CES5A: variants seen among roughly 807,000 people sequenced by gnomAD.
The protein encoded by CES5A is carboxylesterase 5A, also known as carboxylesterase 5.
In CES5A, 67 loss-of-function variants were observed where a neutral mutation model predicts 62.9. The ratio of observed to expected loss-of-function variants is 1.07; its 90% CI spans 0.88 to 1.31. CES5A has a LOEUF of 1.31. CES5A is among the 50% of genes most tolerant of loss of function. The pLI, the probability that CES5A is intolerant of heterozygous loss-of-function variation, is 0.00. For missense variants in CES5A, 748 were observed against 708.5 expected (o/e 1.06, Z -0.63); for synonymous variants, 296 against 280.8 (o/e 1.05, Z -0.54).
At chr16:55,908,851 C>A (rs2034065057) in intron 1 of CES5A, among the ~76,000 whole-genome samples, 1 of 152,230 alleles carries the variant, frequency 6.6e-6, no homozygotes, top group East Asian at 1.9e-4. Flanking sequence ...ACTTTTCCAC[C>A]TGCAGTGGAC....
At chr16:55,930,956 A>G (rs1344763042) in intron 2 of CES5A, among the ~76,000 whole-genome samples, 2 of 152,210 alleles carry the variant, frequency 1.3e-5, no homozygotes, top group Non-Finnish European at 2.9e-5. Context: ...CTTCAAGATC[A>G]TGGTGCCTGA....
intron 1 of CES5A, among the ~76,000 whole-genome samples, chr16:55,901,926 G>T (rs974409413): frequency 3.9e-5 from 6 of 152,194 alleles, no homozygotes; most frequent in Non-Finnish European, 8.8e-5. Context: ...TGGTTTAGCA[G>T]CCAGCAGCAG....
intron 1 of CES5A, among the ~76,000 whole-genome samples, chr16:55,954,126 T>C (rs1221238579): frequency 3.3e-5 from 5 of 152,306 alleles, no homozygotes; most frequent in Admixed American, 2.6e-4. Context: ...AGCTCCCACA[T>C]GTGAGTGAGG....
intron 1 of CES5A, among the ~76,000 whole-genome samples, chr16:55,915,111 T>C (rs1018349694): frequency 2.6e-5 from 4 of 152,070 alleles, no homozygotes; most frequent in Non-Finnish European, 5.9e-5. Context: ...TACTCCAGGC[T>C]GGAATTAGTT....
chr16:55,903,949 A>T (rs1290682459), intron 1 of CES5A, among the ~76,000 whole-genome samples: 1 of 152,238 alleles, frequency 6.6e-6, no homozygotes, highest in Non-Finnish European at 1.5e-5. Flanking sequence ...AAGTTATTAC[A>T]ATCATTAACT....
intron 1 of CES5A, among the ~76,000 whole-genome samples, chr16:55,901,793 A>G (rs2033992832): frequency 6.6e-6 from 1 of 152,080 alleles, no homozygotes; most frequent in African/African-American, 2.4e-5. Flanking sequence ...GCTCTTGCAA[A>G]TGTTTTTTCT....
At chr16:55,925,083 C>A (rs1347770963) in intron 1 of CES5A, among the ~76,000 whole-genome samples, 2 of 151,912 alleles carry the variant, frequency 1.3e-5, no homozygotes, top group Non-Finnish European at 2.9e-5. Flanking sequence ...AAGAGACAAC[C>A]CACAGAATGA....
At position 55,873,854 on chromosome 16, in the gene CES5A, T is replaced by C. The variant is rs1157885800; in HGVS notation, c.257A>G (p.Glu86Gly). 6.2e-7 allele frequency: 1 copy of C among 1,613,156 alleles called. No individual in the cohort carries two copies. ...QPASPWDNLR[E>G]ATSYPNLCLQ... ...TTACAAATTAGGGTAGGAGGTGGCTTCTCGCAAGTTATCCCAGGGCGATGC... is the reference window on the plus strand; with the variant it reads ...TTACAAATTAGGGTAGGAGGTGGCTCCTCGCAAGTTATCCCAGGGCGATGC... Residue 86 changes from glutamate to glycine, a missense_variant, in exon 2 of 13, where the codon GAA becomes GGA. Transcript: ENST00000290567.
chr16:55,918,571 G>A (rs1457553410), intron 1 of CES5A, among the ~76,000 whole-genome samples: 5 of 152,030 alleles, frequency 3.3e-5, no homozygotes, highest in African/African-American at 1.2e-4. Flanking sequence ...CTATGCCATC[G>A]CAGATCATTG....
chr16:55,892,292 C>A (rs1389105613), intron 1 of CES5A, among the ~76,000 whole-genome samples: 1 of 152,138 alleles, frequency 6.6e-6, no homozygotes, highest in African/African-American at 2.4e-5. Flanking sequence ...ATTGTCCCAC[C>A]TTTCTGGACC....
chr16:55,933,715 CCA>C (rs1289796849), intron 2 of CES5A, among the ~76,000 whole-genome samples: 1 of 152,260 alleles, frequency 6.6e-6, no homozygotes, highest in East Asian at 1.9e-4. Context: ...TATTTTACCT[CCA>C]CTGCTACTAC....
At chr16:55,902,517 G>T (rs1333773383) in intron 1 of CES5A, among the ~76,000 whole-genome samples, 4 of 152,170 alleles carry the variant, frequency 2.6e-5, no homozygotes, top group Non-Finnish European at 5.9e-5. Context: ...CCGTGGGAGG[G>T]ATGTGGGAGA....
chr16:55,873,822 C>T lies in CES5A; in HGVS notation c.278+11G>A. The T allele has an allele frequency of 6.2e-7, 1 of 1,609,276 alleles. No homozygotes were observed. Among genetic ancestry groups the T allele is most frequent in the South Asian group, 1.1e-5 (1 of 89,990 alleles). ...GTCACAAACCACCCGTGGGCCCGAACCTGGTCTTACAAATTAGGGTAGGAG... is the reference window on the plus strand; with the variant it reads ...GTCACAAACCACCCGTGGGCCCGAATCTGGTCTTACAAATTAGGGTAGGAG... On this transcript the variant is annotated intron_variant, in intron 2 of 12. Coordinates refer to ENST00000290567, the MANE Select transcript of CES5A (RefSeq NM_001143685.2).
rs2033025107 is a variant in CES5A at position 55,846,907 on chromosome 16, T to C, written c.1424-67A>G. ...CTCGGGAAGCCCCGGGTGCCTTGTATTTGATTAATCCTTTTCACACCCCTC... is the reference window on the plus strand; with the variant it reads ...CTCGGGAAGCCCCGGGTGCCTTGTACTTGATTAATCCTTTTCACACCCCTC... On this transcript the variant is annotated intron_variant, in intron 11 of 12. Coordinates refer to ENST00000290567, the MANE Select transcript of CES5A (RefSeq NM_001143685.2). The C allele has an allele frequency of 3.0e-6, 4 of 1,329,574 alleles. No individual in the cohort carries two copies. In the East Asian group the frequency reaches 6.9e-5, roughly 23 times the overall value. 82.4% of individuals were successfully genotyped at this position (1,329,574 alleles called of 1,614,324 possible).
intron 1 of CES5A, among the ~76,000 whole-genome samples, chr16:55,920,361 T>C (rs537393999): frequency 6.6e-6 from 1 of 152,220 alleles, no homozygotes; most frequent in African/African-American, 2.4e-5. Flanking sequence ...GCATCACAAG[T>C]GACTGAAAGG....
intron 2 of CES5A, among the ~76,000 whole-genome samples, chr16:55,948,887 G>T (rs2034525425): frequency 2.0e-5 from 3 of 152,176 alleles, no homozygotes; most frequent in Non-Finnish European, 4.4e-5. Context: ...TTTTTGTCTT[G>T]ACTGACTGAA....
intron 11 of CES5A, among the ~76,000 whole-genome samples, chr16:55,849,232 T>G (rs1426885237): frequency 1.3e-5 from 2 of 152,120 alleles, no homozygotes; most frequent in Non-Finnish European, 2.9e-5. Context: ...GCTGGAATTA[T>G]GAAAAACATG....
chr16:55,877,195 G>A (rs2033707420), upstream of CES5A, among the ~76,000 whole-genome samples: 1 of 152,172 alleles, frequency 6.6e-6, no homozygotes, highest in South Asian at 2.1e-4. Flanking sequence ...CACACAGCCA[G>A]ACACCATCTT....
At chr16:55,872,575 C>A (rs8056747) in intron 2 of CES5A, among the ~76,000 whole-genome samples, 75,333 of 152,028 alleles carry the variant, frequency 0.5, 18,985 homozygotes, top group Admixed American at 0.58. Flanking sequence ...TTAAGCAAGG[C>A]TGTAAATGTG....
Sources: allele counts gnomAD v4.1 joint callset (sites outside exome capture counted in the v4.1 genomes callset), GRCh38; gene constraint gnomAD v4.1.1; transcripts MANE v1.5; gene names NCBI Gene and HGNC (gene_info 2026-07-23, HGNC 2026-07-21).